Variants in RPL39 observed in about 807,000 individuals in gnomAD.
The protein encoded by RPL39 is large ribosomal subunit protein eL39.
For synonymous variants in RPL39, 8 were observed against 11.4 expected, an observed-to-expected ratio of 0.70 and a Z score of 0.60; for missense variants, 6 against 37.2, an observed-to-expected ratio of 0.16 and a Z score of 2.18.
chrX:119,788,552 G>A (rs1269634026), intron 2 of RPL39, among the ~76,000 whole-genome samples: 1 of 109,063 alleles, frequency 9.2e-6, no homozygotes, highest in Non-Finnish European at 1.9e-5. Flanking sequence ...AAAAGAGAAA[G>A]TGCTTTGACT....
chrX:119,787,573 C>T (rs1303215483), intron 2 of RPL39: 4 of 303,301 alleles, frequency 1.3e-5, no homozygotes, highest in Admixed American at 3.5e-5. Context: ...TATAATCTTA[C>T]GTACAAAATA....
At chrX:119,786,858 G>A in intron 2 of RPL39, 126 bp from the exon 3 acceptor site, 1 of 518,099 alleles carries the variant, frequency 1.9e-6, no homozygotes, top group Non-Finnish European at 3.3e-6. Context: ...AACAAGTTTG[G>A]AGTTCTTTCT....
intron 2 of RPL39, among the ~76,000 whole-genome samples, chrX:119,787,722 C>A (rs1406037225): frequency 2.7e-5 from 3 of 111,372 alleles, no homozygotes; most frequent in Non-Finnish European, 5.6e-5. Context: ...CGGATCACAG[C>A]TCACTGCAGC....
At chrX:119,788,244 CA>C (rs1404434716) in intron 2 of RPL39, among the ~76,000 whole-genome samples, 2 of 111,978 alleles carry the variant, frequency 1.8e-5, no homozygotes, top group African/African-American at 6.5e-5. Context: ...CAAGTCGAAT[CA>C]AGTTCTGGCT....
intron 2 of RPL39, chrX:119,787,134 C>T (rs2055670935): frequency 4.1e-6 from 1 of 246,090 alleles, no homozygotes; most frequent in Admixed American, 5.5e-5. Context: ...CCCCCCAACA[C>T]CACCCAGCTA....
At chrX:119,788,188 C>A (rs917787399) in intron 2 of RPL39, among the ~76,000 whole-genome samples, 2 of 111,806 alleles carry the variant, frequency 1.8e-5, no homozygotes, top group African/African-American at 6.5e-5. Context: ...TAAGAAGCCA[C>A]CCCTTTAAGT....
At chrX:119,787,128 C>G (rs1046801398) in intron 2 of RPL39, among the ~76,000 whole-genome samples, 3 of 111,034 alleles carry the variant, frequency 2.7e-5, no homozygotes, top group African/African-American at 9.8e-5. Context: ...GCCCGCCCCC[C>G]CAACACCACC....
chrX:119,789,691 G>A (rs2055688856), intron 2 of RPL39, among the ~76,000 whole-genome samples: 1 of 112,865 alleles, frequency 8.9e-6, no homozygotes, highest in Admixed American at 9.4e-5. Flanking sequence ...AAATTAATAA[G>A]TATTGGAGAA....
intron 1 of RPL39, chrX:119,791,300 C>G (rs1273881166): frequency 7.0e-6 from 2 of 285,462 alleles, no homozygotes; most frequent in Non-Finnish European, 1.3e-5. Flanking sequence ...CGAAGGGAAA[C>G]CGGAATCCCT....
intron 2 of RPL39, among the ~76,000 whole-genome samples, chrX:119,787,725 A>G (rs2055675627): frequency 9.0e-6 from 1 of 111,077 alleles, no homozygotes; most frequent in Non-Finnish European, 1.9e-5. Context: ...ATCACAGCTC[A>G]CTGCAGCCTG....
chrX:119,789,880 A>G, intron 2 of RPL39, 28 bp downstream of exon 2: 1 of 883,737 alleles, frequency 1.1e-6, no homozygotes, highest in South Asian at 2.0e-5. Flanking sequence ...CATTTAGCAA[A>G]ATACAAGCAG....
Position 119,791,559 on chromosome X carries a change from G to GGCCGATGGAC in RPL39, c.3+5_3+14dup. 5 of 1,167,317 alleles carry GGCCGATGGAC rather than the reference G, an allele frequency of 4.3e-6. No individual in the cohort carries two copies. Among genetic ancestry groups the GGCCGATGGAC allele is most frequent in the Non-Finnish European group, 5.7e-6 (5 of 871,810 alleles). On this transcript the variant is annotated intron_variant, in intron 1 of 2. Transcript: ENST00000361575. ...GGGAAGCCACCCCGGGGCCGATGGG[G>GGCCGATGGAC]GCCGATGGACTTACCATGGCGAGCA... is the stretch of plus-strand genomic sequence containing the variant.
chrX:119,788,760 CTG>C (rs994794237), intron 2 of RPL39, among the ~76,000 whole-genome samples: 2 of 110,940 alleles, frequency 1.8e-5, no homozygotes, highest in African/African-American at 6.6e-5. Flanking sequence ...CCTTCAAAAC[CTG>C]TCTCAAGGCC....
At chrX:119,787,640 C>A (rs1340642695) in intron 2 of RPL39, among the ~76,000 whole-genome samples, 1 of 111,133 alleles carries the variant, frequency 9.0e-6, no homozygotes, top group African/African-American at 3.3e-5. Flanking sequence ...TTGAACTAGG[C>A]GTTGAGTTTT....
intron 2 of RPL39, among the ~76,000 whole-genome samples, chrX:119,788,105 C>A (rs1315554240): frequency 1.8e-5 from 2 of 111,860 alleles, no homozygotes; most frequent in African/African-American, 6.5e-5. Context: ...TAGCCCATAA[C>A]ATTACAATGG....
chrX:119,787,681 C>T lies in RPL39; in HGVS notation c.108-949G>A, dbSNP rs982613400. On this transcript the variant is annotated intron_variant, in intron 2 of 2. Transcript: ENST00000361575. ...CATTTTTCTTTTTTTGAGACAGGGTCACACTGTTGCCCAGGCTACAATGCA... is the reference window on the plus strand; with the variant it reads ...CATTTTTCTTTTTTTGAGACAGGGTTACACTGTTGCCCAGGCTACAATGCA... Among the ~76,000 whole-genome samples, 5 of 111,191 alleles carry T rather than the reference C, an allele frequency of 4.5e-5. No homozygotes were observed. In the Admixed American group the frequency reaches 4.9e-4, roughly 11 times the overall value.
chrX:119,790,154 G>C (rs2055691300), intron 1 of RPL39, 143 bp from the exon 2 acceptor site: 1 of 409,567 alleles, frequency 2.4e-6, no homozygotes, highest in Admixed American at 4.0e-5. Flanking sequence ...ATCAAGCCAA[G>C]CAAGTCTCTG....
intron 2 of RPL39, among the ~76,000 whole-genome samples, chrX:119,787,934 A>G (rs758137077): frequency 1.8e-5 from 2 of 111,615 alleles, no homozygotes; most frequent in African/African-American, 3.3e-5. Context: ...TGCTGGGATT[A>G]TAAGTATGAA....
chrX:119,791,443 C>G (rs1280427180), intron 1 of RPL39, 131 bp downstream of exon 1: 1 of 591,969 alleles, frequency 1.7e-6, no homozygotes, highest in African/African-American at 2.4e-5. Context: ...AGTGGCCGAA[C>G]TGGATATTTT....
Sources: gnomAD v4.1 joint callset for allele counts (sites outside exome capture counted in the v4.1 genomes callset) on GRCh38, gnomAD v4.1.1 for gene constraint, MANE v1.5 for transcripts, NCBI Gene and HGNC (gene_info 2026-07-23, HGNC 2026-07-21) for gene names.